CCDC102B: variants seen among roughly 807,000 people sequenced by gnomAD.
CCDC102B encodes the protein coiled-coil domain containing 102B, also known as coiled-coil domain-containing protein 102B.
CCDC102B carries 75 observed loss-of-function variants against 57.4 expected under a neutral mutation model. That is an observed-to-expected ratio of 1.31 (90% CI 1.08 to 1.58). CCDC102B has a LOEUF of 1.58. CCDC102B is among the 40% of genes most tolerant of loss of function. The probability of loss-of-function intolerance (pLI) is 0.00; values close to 1 mark genes in which losing one functional copy is unlikely to be tolerated. For missense variants in CCDC102B, 636 were observed against 582.6 expected (o/e 1.09, Z -0.94); for synonymous variants, 206 against 201.9 (o/e 1.02, Z -0.17).
At chr18:69,022,877 G>A (rs1284183390) in intron 7 of CCDC102B, among the ~76,000 whole-genome samples, 1 of 151,874 alleles carries the variant, frequency 6.6e-6, no homozygotes, top group Non-Finnish European at 1.5e-5. Context: ...AAAGGTACAG[G>A]GTCTTTGTTT....
At chr18:68,767,442 T>C (rs2034506167) in intron 2 of CCDC102B, among the ~76,000 whole-genome samples, 1 of 152,246 alleles carries the variant, frequency 6.6e-6, no homozygotes, top group Non-Finnish European at 1.5e-5. Flanking sequence ...AGGAATCCAC[T>C]GTCACCTTGT....
At position 69,030,500 on chromosome 18, in the gene CCDC102B, A is replaced by G. The variant is rs1469707722; in HGVS notation, c.1434+19396A>G. ...CTTAAATATAATTCAACAAATAATAAGTTGTTCATTTTTATTTTAGAAACA... is the reference window on the plus strand; with the variant it reads ...CTTAAATATAATTCAACAAATAATAGGTTGTTCATTTTTATTTTAGAAACA... On this transcript the variant is annotated intron_variant, in intron 7 of 7. Transcript: ENST00000360242. 2.6e-5 allele frequency among the ~76,000 whole-genome samples: 4 copies of G among 152,300 alleles called. No individual in the cohort carries two copies. In the East Asian group the frequency reaches 7.7e-4, roughly 29 times the overall value.
At chr18:68,889,496 C>T (rs556921824) in intron 5 of CCDC102B, among the ~76,000 whole-genome samples, 5 of 152,140 alleles carry the variant, frequency 3.3e-5, no homozygotes, top group African/African-American at 9.6e-5. Flanking sequence ...CTCAGCTCAC[C>T]GCAACCTCCG....
intron 6 of CCDC102B, among the ~76,000 whole-genome samples, chr18:69,010,714 A>G (rs2051491285): frequency 6.6e-6 from 1 of 152,204 alleles, no homozygotes; most frequent in Admixed American, 6.5e-5. Flanking sequence ...CATTTACAAA[A>G]CAACGTAAAG....
At chr18:69,010,874 A>G in intron 6 of CCDC102B, 60 bp from the exon 7 acceptor site, 3 of 1,251,548 alleles carry the variant, frequency 2.4e-6, no homozygotes, top group Non-Finnish European at 3.2e-6. Flanking sequence ...AGAAGTTGCC[A>G]TTCTTCTGAT....
chr18:68,810,675 TC>T lies in CCDC102B; in HGVS notation c.-16+12495del, dbSNP rs11314910. Among the ~76,000 whole-genome samples the T allele has an allele frequency of 6.1e-4, 61 of 99,808 alleles. 1 individual carries two copies. Among genetic ancestry groups the T allele is most frequent in the East Asian group, 3.1e-3 (8 of 2,542 alleles). 65.5% of individuals were successfully genotyped at this position (99,808 alleles called of 152,430 possible). On this transcript the variant is annotated intron_variant, in intron 1 of 7. Coordinates refer to ENST00000360242, the MANE Select transcript of CCDC102B (RefSeq NM_024781.3). ...GGTTTTGAAAAATTTTCTTTTCTTT[TC>T]TTTGTTTTTTTTTTTTTTTTTTTTT... is the stretch of plus-strand genomic sequence containing the variant.
At chr18:68,815,677 TACACACACAC>T (rs10592850) in intron 1 of CCDC102B, among the ~76,000 whole-genome samples, 4 of 149,174 alleles carry the variant, frequency 2.7e-5, no homozygotes, top group Non-Finnish European at 5.9e-5. Context: ...TCCATTTACA[TACACACACAC>T]ACACACACAC....
intron 7 of CCDC102B, among the ~76,000 whole-genome samples, chr18:69,037,181 C>G (rs562836869): frequency 6.6e-6 from 1 of 152,020 alleles, no homozygotes; most frequent in African/African-American, 2.4e-5. Context: ...TTACCATAAC[C>G]AAATTCCAAG....
intron 6 of CCDC102B, among the ~76,000 whole-genome samples, chr18:68,985,779 C>G (rs1471878875): frequency 1.3e-5 from 2 of 152,122 alleles, no homozygotes; most frequent in East Asian, 3.9e-4. Flanking sequence ...CAGCATCTTC[C>G]ATTGACTGAA....
intron 2 of CCDC102B, among the ~76,000 whole-genome samples, chr18:68,728,857 AAAAAAG>A (rs376959188): frequency 2.5e-4 from 38 of 152,302 alleles, no homozygotes; most frequent in African/African-American, 8.7e-4. Context: ...GTAGTAAAAG[AAAAAAG>A]AGAAAGGGGT....
intron 4 of CCDC102B, among the ~76,000 whole-genome samples, chr18:68,863,006 T>C (rs1221083161): frequency 6.6e-6 from 1 of 151,892 alleles, no homozygotes; most frequent in Non-Finnish European, 1.5e-5. Flanking sequence ...TCACTAAATA[T>C]AACAATAACA....
At chr18:68,740,950 TC>T (rs1318979125) in intron 2 of CCDC102B, among the ~76,000 whole-genome samples, 2 of 152,216 alleles carry the variant, frequency 1.3e-5, no homozygotes, top group Non-Finnish European at 2.9e-5. Context: ...TCTTGAATTT[TC>T]CTCTCAGACT....
At chr18:68,928,720 TTAA>T (rs2041561941) in intron 6 of CCDC102B, among the ~76,000 whole-genome samples, 1 of 151,844 alleles carries the variant, frequency 6.6e-6, no homozygotes, top group Non-Finnish European at 1.5e-5. Context: ...AACTAGAAAT[TTAA>T]TAATCGTTAC....
chr18:68,782,194 A>G (rs1414770496), intron 2 of CCDC102B, among the ~76,000 whole-genome samples: 2 of 152,004 alleles, frequency 1.3e-5, no homozygotes, highest in Non-Finnish European at 2.9e-5. Context: ...TAGGATTTGG[A>G]TTAAATTATG....
intron 4 of CCDC102B, among the ~76,000 whole-genome samples, chr18:68,874,170 A>G (rs201068833): frequency 7.2e-6 from 1 of 138,262 alleles, no homozygotes; most frequent in African/African-American, 2.8e-5. Flanking sequence ...GTGTGTGTGT[A>G]TGTGTGTGTG....
chr18:68,865,461 A>T (rs1210339656), intron 4 of CCDC102B, among the ~76,000 whole-genome samples: 1 of 152,106 alleles, frequency 6.6e-6, no homozygotes, highest in Non-Finnish European at 1.5e-5. Context: ...AATTACCATC[A>T]TCATACCACT....
chr18:69,015,258 T>C (rs115450709), intron 7 of CCDC102B, among the ~76,000 whole-genome samples: 46 of 152,332 alleles, frequency 3.0e-4, no homozygotes, highest in African/African-American at 1.0e-3. Context: ...TCTGTACTTC[T>C]AATCGAATCA....
chr18:69,057,654 C>G (rs184509739), downstream of CCDC102B, among the ~76,000 whole-genome samples: 2 of 151,954 alleles, frequency 1.3e-5, no homozygotes, highest in African/African-American at 2.4e-5. Flanking sequence ...AATGCTATGG[C>G]TTTATGGAAG....
intron 2 of CCDC102B, among the ~76,000 whole-genome samples, chr18:68,737,615 A>G (rs1481615505): frequency 1.3e-5 from 2 of 152,086 alleles, no homozygotes; most frequent in Non-Finnish European, 2.9e-5. Flanking sequence ...ATTAATGGCT[A>G]TGATTGGCTG....
Sources: gnomAD v4.1 joint callset for allele counts (sites outside exome capture counted in the v4.1 genomes callset) on GRCh38, gnomAD v4.1.1 for gene constraint, MANE v1.5 for transcripts, NCBI Gene and HGNC (gene_info 2026-07-23, HGNC 2026-07-21) for gene names.